The following SLC27A2 variants were observed in gnomAD, a reference collection of about 807,000 sequenced individuals.
The protein encoded by SLC27A2 is long-chain fatty acid transport protein 2.
A neutral mutation model predicts 60.0 loss-of-function variants in SLC27A2; 54 were observed. The ratio of observed to expected loss-of-function variants is 0.90; its 90% confidence interval spans 0.72 to 1.13. SLC27A2 has a LOEUF of 1.13. SLC27A2 is among the 50% of genes most tolerant of loss of function. The pLI is 0.00. For synonymous variants in SLC27A2, 297 were observed against 297.6 expected (o/e 1.00, Z 0.02); for missense variants, 739 against 777.6 (o/e 0.95, Z 0.59).
intron 1 of SLC27A2, among the ~76,000 whole-genome samples, chr15:50,195,350 G>A (rs1364334907): frequency 6.6e-6 from 1 of 151,460 alleles, no homozygotes; most frequent in African/African-American, 2.4e-5. Flanking sequence ...AATTAGCCAG[G>A]TGTGGTGGCA....
chr15:50,205,281 T>C lies in SLC27A2; in HGVS notation c.890T>C (p.Phe297Ser), dbSNP rs1258129188. ...CGGACTAAATTTTCAGCCAGCCAGT[T>C]TTGGGATGACTGCAGAAAATACAAC... ...ALRTKFSASQFWDDCRKYNVT... is the reference protein window; with the variant it reads ...ALRTKFSASQSWDDCRKYNVT... Residue 297 changes from phenylalanine (F) to serine (S), a missense_variant, in exon 4 of 10, where the codon TTT becomes TCT. Coordinates refer to ENST00000267842, the MANE Select transcript of SLC27A2 (RefSeq NM_003645.4). The C allele has an allele frequency of 6.2e-7, 1 of 1,609,552 alleles. No homozygotes were observed. The highest frequency in any genetic ancestry group is 8.5e-7 in the Non-Finnish European group (1 of 1,177,142).
intron 5 of SLC27A2, 96 bp from the exon 6 acceptor site, chr15:50,225,892 C>A: frequency 1.3e-6 from 1 of 797,432 alleles, no homozygotes; most frequent in Non-Finnish European, 2.0e-6. Context: ...AAAATTTCTT[C>A]AACCTGTACG....
intron 8 of SLC27A2, among the ~76,000 whole-genome samples, chr15:50,230,698 T>G (rs1163823715): frequency 6.6e-6 from 1 of 152,232 alleles, no homozygotes; most frequent in Non-Finnish European, 1.5e-5. Context: ...CCAGGCCTTA[T>G]GCTGAGTTAA....
chr15:50,236,045 T>A lies in SLC27A2; in HGVS notation c.1812T>A (p.Pro604=). Residue 604 remains proline, a synonymous_variant, in exon 10 of 10, where the codon CCT becomes CCA. Coordinates refer to ENST00000267842, the MANE Select transcript of SLC27A2 (RefSeq NM_003645.4). The part of the protein sequence containing the change: ...FLDDTAKMYV[P]MTEDIYNAIS... Reference sequence around the variant, plus strand: ...ATGACACAGCAAAAATGTATGTGCCTATGACTGAGGACATCTATAATGCCA... The same window carrying A: ...ATGACACAGCAAAAATGTATGTGCCAATGACTGAGGACATCTATAATGCCA... 6.2e-7 allele frequency: 1 copy of A among 1,613,930 alleles called. No individual in the cohort carries two copies. The highest frequency in any genetic ancestry group is 8.5e-7 in the Non-Finnish European group (1 of 1,179,868).
chr15:50,211,731 C>T (rs74633833), intron 4 of SLC27A2, among the ~76,000 whole-genome samples: 27,382 of 151,338 alleles, frequency 0.18, 2,692 homozygotes, highest in South Asian at 0.26. Context: ...TCCAAAAAAA[C>T]GTTACAAGAG....
intron 9 of SLC27A2, among the ~76,000 whole-genome samples, chr15:50,235,045 T>C (rs1174158228): frequency 6.6e-6 from 1 of 151,626 alleles, no homozygotes; most frequent in Admixed American, 6.6e-5. Context: ...GCTAGGAGGA[T>C]TTTTTTTCTT....
At chr15:50,228,051 T>G (rs1427903863) in intron 7 of SLC27A2, among the ~76,000 whole-genome samples, 1 of 152,136 alleles carries the variant, frequency 6.6e-6, no homozygotes, top group Non-Finnish European at 1.5e-5. Context: ...GCCATCTTCA[T>G]GTTATTAAGA....
chr15:50,208,787 G>C (rs1365508), intron 4 of SLC27A2, among the ~76,000 whole-genome samples: 2 of 151,954 alleles, frequency 1.3e-5, no homozygotes, highest in South Asian at 4.1e-4. Context: ...CTATTTTGCC[G>C]TCTTCCCGCA....
chr15:50,214,189 G>C (rs58351183), intron 4 of SLC27A2, among the ~76,000 whole-genome samples: 2 of 151,788 alleles, frequency 1.3e-5, no homozygotes, highest in African/African-American at 4.8e-5. Flanking sequence ...ACACCCTTAC[G>C]CACATAAACT....
Position 50,233,909 on chromosome 15 carries a change from G to A in SLC27A2, c.1597G>A (p.Glu533Lys), listed in dbSNP as rs2045332012. 6.2e-7 allele frequency: 1 copy of A among 1,613,904 alleles called. No homozygotes were observed. Among genetic ancestry groups the A allele is most frequent in the East Asian group, 2.2e-5 (1 of 44,884 alleles). The stretch of plus-strand genomic sequence containing the variant: ...TGGCATGGCCTCCATCAAAATGAAA[G>A]AAAACCATGAATTTGATGGAAAGAA... ...RIGMASIKMKENHEFDGKKLF... is the reference protein window; with the variant it reads ...RIGMASIKMKKNHEFDGKKLF... Residue 533 changes from glutamate to lysine, a missense_variant, in exon 9 of 10, where the codon GAA becomes AAA. By Grantham distance (56) the Glu-to-Lys change is moderately conservative (BLOSUM62 1). Coordinates refer to ENST00000267842, the MANE Select transcript of SLC27A2 (RefSeq NM_003645.4).
intron 1 of SLC27A2, chr15:50,191,147 A>G (rs1443797105): frequency 1.3e-5 from 2 of 152,250 alleles, no homozygotes; most frequent in Non-Finnish European, 2.9e-5. Context: ...ACTGGTATCT[A>G]TATCACAGAG....
At chr15:50,213,842 G>A (rs1302710097) in intron 4 of SLC27A2, among the ~76,000 whole-genome samples, 14 of 151,902 alleles carry the variant, frequency 9.2e-5, no homozygotes, top group African/African-American at 3.1e-4. Flanking sequence ...AGCCCTAAAC[G>A]CCTGTAACAA....
At chr15:50,184,658 A>G (rs1350686494) in intron 1 of SLC27A2, among the ~76,000 whole-genome samples, 1 of 151,838 alleles carries the variant, frequency 6.6e-6, no homozygotes, top group Non-Finnish European at 1.5e-5. Flanking sequence ...CAACATAGCA[A>G]AAACCCCGTC....
At position 50,202,612 on chromosome 15, in the gene SLC27A2, C is replaced by A. The variant is rs950693656; in HGVS notation, c.814C>A (p.Leu272Ile). 6.2e-7 allele frequency: 1 copy of A among 1,614,182 alleles called. No homozygotes were observed. The highest frequency in any genetic ancestry group is 1.3e-5 in the African/African-American group (1 of 75,068). ...ITLPFYHSAA[L>I]LIGIHGCIVA... ...TCTGCCCTTTTACCACAGTGCTGCA[C>A]TACTGATTGGCATTCACGGATGTAT... The change falls in exon 3 of 10, where the codon CTA becomes ATA. Residue 272 changes from leucine (L) to isoleucine (I), a missense_variant. Leu to Ile is a conservative substitution (Grantham distance 5). Transcript: ENST00000267842.
intron 4 of SLC27A2, among the ~76,000 whole-genome samples, chr15:50,215,687 C>G (rs1442978800): frequency 1.3e-5 from 2 of 152,032 alleles, no homozygotes; most frequent in South Asian, 2.1e-4. Context: ...TGATCTTTGA[C>G]AAAGTAAACA....
intron 2 of SLC27A2, among the ~76,000 whole-genome samples, chr15:50,201,950 C>G (rs1454114320): frequency 6.6e-6 from 1 of 152,212 alleles, no homozygotes; most frequent in Non-Finnish European, 1.5e-5. Context: ...CGTAAGAAAT[C>G]TCTCTGACTC....
At chr15:50,202,119 C>T (rs1365253465) in intron 2 of SLC27A2, among the ~76,000 whole-genome samples, 1 of 152,232 alleles carries the variant, frequency 6.6e-6, no homozygotes, top group Non-Finnish European at 1.5e-5. Context: ...TTACTACTGT[C>T]ATAACCATCT....
Position 50,182,323 on chromosome 15 carries a change from G to T in SLC27A2, c.-105G>T. On this transcript the variant is annotated 5_prime_UTR_variant, in exon 1 of 10. Coordinates refer to ENST00000267842, the MANE Select transcript of SLC27A2 (RefSeq NM_003645.4). ...GCGAGCCCGGCGTCCCGCCGCGTGC[G>T]CCCCGGCGCAGCCCGCCAGTCCGCC... 1.5e-6 allele frequency: 2 copies of T among 1,328,868 alleles called. No homozygotes were observed. Among genetic ancestry groups the T allele is most frequent in the Non-Finnish European group, 9.6e-7 (1 of 1,041,334 alleles). 82.3% of individuals were successfully genotyped at this position (1,328,868 alleles called of 1,614,324 possible).
At chr15:50,212,828 C>G (rs1195341375) in intron 4 of SLC27A2, among the ~76,000 whole-genome samples, 2 of 152,124 alleles carry the variant, frequency 1.3e-5, no homozygotes, top group African/African-American at 4.8e-5. Flanking sequence ...CACATCATAA[C>G]ACAACCTCTT....
Sources: gnomAD v4.1 joint callset for allele counts (sites outside exome capture counted in the v4.1 genomes callset) on GRCh38, gnomAD v4.1.1 for gene constraint, MANE v1.5 for transcripts, NCBI Gene and HGNC (gene_info 2026-07-23, HGNC 2026-07-21) for gene names.